FAAH2: variants seen among roughly 807,000 people sequenced by gnomAD.
FAAH2 encodes the protein fatty acid amide hydrolase 2, also known as fatty-acid amide hydrolase 2.
Under a neutral mutation model 36.9 loss-of-function variants are expected in FAAH2, and 60 were observed. The observed-to-expected ratio is 1.63, with a 90% confidence interval of 1.32 to 2.02. FAAH2 has a LOEUF of 2.02. Among genes scored for constraint, FAAH2 ranks in the 30% most tolerant of loss-of-function variants. The probability of loss-of-function intolerance (pLI) is 0.00; values close to 1 mark genes in which losing one functional copy is unlikely to be tolerated. For synonymous variants in FAAH2, 214 were observed against 143.8 expected, an observed-to-expected ratio of 1.49 and a Z score of -3.49; for missense variants, 689 against 397.5, an observed-to-expected ratio of 1.73 and a Z score of -6.23.
At chrX:57,428,530 G>T (rs2056216525) in intron 7 of FAAH2, among the ~76,000 whole-genome samples, 1 of 111,771 alleles carries the variant, frequency 8.9e-6, no homozygotes, top group South Asian at 3.7e-4. Flanking sequence ...CATGGTATTG[G>T]TATAAAAATA....
chrX:57,180,553 A>C, the FAAH2 span, among the ~76,000 whole-genome samples: 8 of 111,429 alleles, frequency 7.2e-5, no homozygotes, highest in East Asian at 2.8e-4. Context: ...GCAATCTCCC[A>C]AGGCAAAAGC....
the FAAH2 span, among the ~76,000 whole-genome samples, chrX:57,140,864 C>G: frequency 9.0e-6 from 1 of 111,328 alleles, no homozygotes; most frequent in South Asian, 3.8e-4. Flanking sequence ...GAAAAACTGC[C>G]TATCGAGTAC....
At chrX:57,475,906 C>A (rs1305862403) in intron 10 of FAAH2, among the ~76,000 whole-genome samples, 2 of 111,238 alleles carry the variant, frequency 1.8e-5, no homozygotes, top group Non-Finnish European at 3.8e-5. Context: ...AGAGGTCTTT[C>A]ACGTCTAATG....
chrX:57,127,531 G>C, the FAAH2 span, among the ~76,000 whole-genome samples: 1 of 111,253 alleles, frequency 9.0e-6, no homozygotes, highest in Admixed American at 9.5e-5. Context: ...GTCTTAAGGA[G>C]GTGATCCTGA....
At chrX:57,177,961 C>A in the FAAH2 span, among the ~76,000 whole-genome samples, 1 of 110,938 alleles carries the variant, frequency 9.0e-6, no homozygotes, top group South Asian at 3.8e-4. Context: ...TTTCCCCTTC[C>A]CCTAAGAGTA....
the FAAH2 span, among the ~76,000 whole-genome samples, chrX:57,139,418 C>T: frequency 9.0e-6 from 1 of 111,639 alleles, no homozygotes; most frequent in East Asian, 2.8e-4. Flanking sequence ...TATTCATATG[C>T]CAGTACCATG....
At chrX:57,390,937 T>C (rs2055151682) in intron 7 of FAAH2, among the ~76,000 whole-genome samples, 1 of 111,521 alleles carries the variant, frequency 9.0e-6, no homozygotes, top group African/African-American at 3.2e-5. Flanking sequence ...CTTTACAATA[T>C]GCCAACAGTG....
chrX:57,456,902 A>T (rs2056872970), intron 10 of FAAH2, among the ~76,000 whole-genome samples: 1 of 111,970 alleles, frequency 8.9e-6, no homozygotes, highest in Admixed American at 9.5e-5. Flanking sequence ...ACACTTTCCC[A>T]AGAAAATCGA....
the FAAH2 span, among the ~76,000 whole-genome samples, chrX:57,158,077 C>G: frequency 9.0e-6 from 1 of 111,156 alleles, no homozygotes; most frequent in Admixed American, 9.6e-5. Context: ...CAATTCGCAC[C>G]AATGAGTGAG....
At chrX:57,379,903 A>C (rs1439110906) in intron 6 of FAAH2, among the ~76,000 whole-genome samples, 2 of 108,377 alleles carry the variant, frequency 1.8e-5, no homozygotes, top group Non-Finnish European at 3.8e-5. Flanking sequence ...GGCAATATTG[A>C]TATTACTCCA....
chrX:57,352,559 G>A (rs896640550), intron 5 of FAAH2, among the ~76,000 whole-genome samples: 3 of 110,501 alleles, frequency 2.7e-5, no homozygotes, highest in African/African-American at 9.8e-5. Flanking sequence ...GGAACAAAGC[G>A]AGAATACCCA....
At chrX:57,266,754 C>T in the FAAH2 span, among the ~76,000 whole-genome samples, 1 of 112,105 alleles carries the variant, frequency 8.9e-6, no homozygotes, top group African/African-American at 3.2e-5. Context: ...TGCTGACCCA[C>T]ATCTCTCTGG....
chrX:57,273,974 TG>T, the FAAH2 span, among the ~76,000 whole-genome samples: 1 of 111,363 alleles, frequency 9.0e-6, no homozygotes, highest in Non-Finnish European at 1.9e-5. Context: ...ATTCAGGAGT[TG>T]TTTTTTTAGA....
the FAAH2 span, among the ~76,000 whole-genome samples, chrX:57,208,891 C>T: frequency 8.9e-6 from 1 of 112,113 alleles, no homozygotes; most frequent in African/African-American, 3.2e-5. Context: ...CAGTTTTCCA[C>T]CCTGGGTGTG....
chrX:57,138,181 T>C, the FAAH2 span, among the ~76,000 whole-genome samples: 2 of 112,100 alleles, frequency 1.8e-5, no homozygotes, highest in Admixed American at 1.9e-4. Flanking sequence ...CTATTTCGCA[T>C]AAAGTGAAGT....
chrX:57,419,065 G>T (rs775541500), intron 7 of FAAH2, among the ~76,000 whole-genome samples: 1 of 106,488 alleles, frequency 9.4e-6, no homozygotes, highest in South Asian at 4.3e-4. Flanking sequence ...TTTTATGGCT[G>T]CATAGTATTC....
chrX:57,418,563 C>A (rs2055910209), intron 7 of FAAH2, among the ~76,000 whole-genome samples: 1 of 111,128 alleles, frequency 9.0e-6, no homozygotes. Flanking sequence ...GCTTCACCCA[C>A]TGTCTAACCA....
intron 7 of FAAH2, among the ~76,000 whole-genome samples, chrX:57,417,178 T>A (rs996558090): frequency 3.6e-5 from 4 of 111,819 alleles, no homozygotes; most frequent in Non-Finnish European, 7.5e-5. Flanking sequence ...AACATGCTCC[T>A]TTAGTTTGGA....
chrX:57,449,057 C>T (rs748784560), intron 10 of FAAH2, among the ~76,000 whole-genome samples: 2 of 111,639 alleles, frequency 1.8e-5, no homozygotes, highest in Admixed American at 9.5e-5. Context: ...CCAAGTTAAG[C>T]TTTTATCAGG....
Sources: gnomAD v4.1 joint callset for allele counts (sites outside exome capture counted in the v4.1 genomes callset) on GRCh38, gnomAD v4.1.1 for gene constraint, MANE v1.5 for transcripts, NCBI Gene and HGNC (gene_info 2026-07-23, HGNC 2026-07-21) for gene names.